The following CCDC91 variants were observed in gnomAD, a reference collection of about 807,000 sequenced individuals.
CCDC91 encodes the protein coiled-coil domain containing 91, also known as coiled-coil domain-containing protein 91.
In CCDC91, 48 loss-of-function variants were observed where a neutral mutation model predicts 63.2. The ratio of observed to expected loss-of-function variants is 0.76; its 90% CI spans 0.60 to 0.97. The LOEUF (loss-of-function observed/expected upper bound fraction) is 0.97. Among genes scored for constraint, CCDC91 ranks in the 50% least tolerant of loss-of-function variants. CCDC91 has a pLI of 0.00. For missense variants in CCDC91, 500 were observed against 494.6 expected (o/e 1.01, Z -0.10); for synonymous variants, 167 against 165.8 (o/e 1.01, Z -0.06).
At chr12:28,503,020 T>C (rs952964615) in intron 12 of CCDC91, among the ~76,000 whole-genome samples, 2 of 152,050 alleles carry the variant, frequency 1.3e-5, no homozygotes, top group Non-Finnish European at 2.9e-5. Context: ...GACATAGGCA[T>C]GGGCAAGGAC....
chr12:28,330,197 T>C (rs755082079), intron 6 of CCDC91, among the ~76,000 whole-genome samples: 5 of 152,196 alleles, frequency 3.3e-5, no homozygotes, highest in Non-Finnish European at 5.9e-5. Flanking sequence ...CCACACTGTC[T>C]TCCACAATGG....
chr12:28,438,950 T>G (rs1949044932), intron 8 of CCDC91, among the ~76,000 whole-genome samples: 1 of 152,180 alleles, frequency 6.6e-6, no homozygotes, highest in Non-Finnish European at 1.5e-5. Context: ...AATTGAGGAT[T>G]GTCACAATCT....
Position 28,259,455 on chromosome 12 carries a change from A to G in CCDC91, c.109+13A>G. 6.8e-7 allele frequency: 1 copy of G among 1,466,542 alleles called. No homozygotes were observed. Among genetic ancestry groups the G allele is most frequent in the Non-Finnish European group, 9.4e-7 (1 of 1,062,956 alleles). 90.8% of individuals were successfully genotyped at this position (1,466,542 alleles called of 1,614,324 possible). On this transcript the variant is annotated intron_variant, in intron 3 of 12. Coordinates refer to ENST00000536442, the MANE Select transcript of CCDC91 (RefSeq NM_018318.5). ...GCCTTTCCTGCAGGTATTGGTATCC[A>G]GGAATTAGGGTTTTTTTTTTTTTTT...
At chr12:28,279,335 A>T (rs1948448026) in intron 3 of CCDC91, among the ~76,000 whole-genome samples, 1 of 152,100 alleles carries the variant, frequency 6.6e-6, no homozygotes, top group African/African-American at 2.4e-5. Context: ...ATAGCATCTT[A>T]TGAGACCCCT....
intron 6 of CCDC91, among the ~76,000 whole-genome samples, chr12:28,359,782 C>CTTTCTTTTTTTTTTTTTTT (rs1565853546): frequency 6.6e-6 from 1 of 151,972 alleles, no homozygotes; most frequent in African/African-American, 2.4e-5. Flanking sequence ...CAGAATATTT[C>CTTTCTTTTTTTTTTTTTTT]TATTTACTTT....
chr12:28,535,830 C>A (rs1049078162), intron 12 of CCDC91, among the ~76,000 whole-genome samples: 17 of 152,050 alleles, frequency 1.1e-4, no homozygotes, highest in African/African-American at 3.9e-4. Context: ...AGATCAAGAC[C>A]ATCCTGGCTA....
At chr12:28,492,431 T>G (rs2141012422) in intron 12 of CCDC91, among the ~76,000 whole-genome samples, 1 of 151,920 alleles carries the variant, frequency 6.6e-6, no homozygotes, top group Admixed American at 6.6e-5. Flanking sequence ...TTTATTATTC[T>G]TTTGTAAACC....
intron 8 of CCDC91, 120 bp downstream of exon 8, chr12:28,391,531 G>A (rs3741760): frequency 0.68 from 374,169 of 550,976 alleles, 130,770 homozygotes; most frequent in Non-Finnish European, 0.74. Flanking sequence ...GAGAAAAAAT[G>A]TGCTTATGTA....
intron 6 of CCDC91, among the ~76,000 whole-genome samples, chr12:28,350,207 T>A (rs117496185): frequency 0.013 from 2,006 of 152,330 alleles, 19 homozygotes; most frequent in Middle Eastern, 0.02. Context: ...TCAGATATTT[T>A]AGTTGCATTT....
chr12:28,255,684 A>G (rs894117290), intron 1 of CCDC91: 24 of 152,180 alleles, frequency 1.6e-4, no homozygotes, highest in African/African-American at 5.8e-4. Context: ...TAATGATACC[A>G]TGATTATATT....
At chr12:28,347,443 G>T (rs1942887529) in intron 6 of CCDC91, among the ~76,000 whole-genome samples, 1 of 152,176 alleles carries the variant, frequency 6.6e-6, no homozygotes, top group African/African-American at 2.4e-5. Context: ...TAGAATTGCT[G>T]CTGTGTTGGT....
intron 12 of CCDC91, among the ~76,000 whole-genome samples, chr12:28,490,551 C>A (rs1951945143): frequency 6.6e-6 from 1 of 151,674 alleles, no homozygotes; most frequent in Non-Finnish European, 1.5e-5. Flanking sequence ...AACCATCTTG[C>A]CAAATGATGT....
intron 12 of CCDC91, among the ~76,000 whole-genome samples, chr12:28,536,456 T>C (rs1322164350): frequency 6.6e-6 from 1 of 152,198 alleles, no homozygotes; most frequent in Admixed American, 6.5e-5. Context: ...CCTAGAAATA[T>C]GTTTCATCAT....
intron 8 of CCDC91, among the ~76,000 whole-genome samples, chr12:28,400,136 A>G (rs1177558907): frequency 6.6e-6 from 1 of 152,148 alleles, no homozygotes; most frequent in Non-Finnish European, 1.5e-5. Flanking sequence ...ACATCCAGGC[A>G]TTTCCATACA....
In CCDC91 at chr12:28,484,897, TTA is replaced by T. The variant is rs199833233; in HGVS notation, c.1215+736_1215+737del. ...TTTCACATGCAGTGTTTTAGGATGT[TTA>T]TATGTTTAGTATATGTTACATATTA... is the stretch of plus-strand genomic sequence containing the variant. On this transcript the variant is annotated intron_variant, in intron 12 of 12. Coordinates refer to ENST00000536442, the MANE Select transcript of CCDC91 (RefSeq NM_018318.5). Among the ~76,000 whole-genome samples the T allele has an allele frequency of 3.1e-4, 47 of 150,452 alleles. No homozygotes were observed. In the East Asian group the frequency reaches 8.0e-3, roughly 25 times the overall value.
chr12:28,516,646 C>T (rs140636090), intron 12 of CCDC91, among the ~76,000 whole-genome samples: 152 of 151,914 alleles, frequency 1.0e-3, no homozygotes, highest in African/African-American at 3.3e-3. Flanking sequence ...CTCACAGTCT[C>T]ACAGTTCTAT....
intron 7 of CCDC91, among the ~76,000 whole-genome samples, chr12:28,370,663 A>C (rs1341451285): frequency 1.3e-5 from 2 of 152,136 alleles, no homozygotes; most frequent in Non-Finnish European, 2.9e-5. Flanking sequence ...TGTATTAGTC[A>C]GTTTTCACAC....
chr12:28,528,089 T>C (rs1198098898), intron 12 of CCDC91, among the ~76,000 whole-genome samples: 1 of 152,154 alleles, frequency 6.6e-6, no homozygotes, highest in Non-Finnish European at 1.5e-5. Context: ...GCACGCTGGA[T>C]TCATGCCCTC....
rs1410056568 is a variant in CCDC91 at position 28,511,903 on chromosome 12, T to C, written c.1215+27738T>C. 3.3e-5 allele frequency among the ~76,000 whole-genome samples: 5 copies of C among 151,884 alleles called. No individual in the cohort carries two copies. In the South Asian group the frequency reaches 8.3e-4, roughly 25 times the overall value. On this transcript the variant is annotated intron_variant, in intron 12 of 12. Transcript: ENST00000536442. ...GCCATGAGAAAATAATAAAAGGCTCTCAGTTCTAGGATACTCTAGGACTTT... is the reference window on the plus strand; with the variant it reads ...GCCATGAGAAAATAATAAAAGGCTCCCAGTTCTAGGATACTCTAGGACTTT...
Sources: allele counts gnomAD v4.1 joint callset (sites outside exome capture counted in the v4.1 genomes callset), GRCh38; gene constraint gnomAD v4.1.1; transcripts MANE v1.5; gene names NCBI Gene and HGNC (gene_info 2026-07-23, HGNC 2026-07-21).